HFM1: variants seen among roughly 807,000 people sequenced by gnomAD.
HFM1 encodes the protein probable ATP-dependent DNA helicase HFM1.
A neutral mutation model predicts 192.1 loss-of-function variants in HFM1; 169 were observed. The ratio of observed to expected loss-of-function variants is 0.88; its 90% CI spans 0.78 to 1.00. The LOEUF is 1.00. Among genes scored for constraint, HFM1 ranks in the 50% least tolerant of loss-of-function variants. The pLI is 0.00. For synonymous variants in HFM1, 525 were observed against 537.8 expected, an observed-to-expected ratio of 0.98 and a Z score of 0.33; for missense variants, 1,661 against 1,668.0, an observed-to-expected ratio of 1.00 and a Z score of 0.07.
At chr1:91,340,221 AC>A (rs1655144590) in intron 20 of HFM1, among the ~76,000 whole-genome samples, 1 of 152,084 alleles carries the variant, frequency 6.6e-6, no homozygotes, top group African/African-American at 2.4e-5. Flanking sequence ...TATTGCTCAG[AC>A]TGGTCTCAAA....
At chr1:91,314,297 G>A (rs531328678) in intron 28 of HFM1, among the ~76,000 whole-genome samples, 35 of 152,256 alleles carry the variant, frequency 2.3e-4, no homozygotes, top group African/African-American at 7.9e-4. Context: ...TCTGTTGCCT[G>A]GGCTGGAGTG....
chr1:91,375,369 T>C lies in HFM1; in HGVS notation c.1674A>G (p.Glu558=). ...VKDAKFIMTV[E]QKQRLQKYAY... ...ATAAAATACTATACCTCTGTTTCTG[T>C]TCCACAGTCATAATAAATTTAGCAT... Residue 558 remains glutamate, a synonymous_variant, in exon 13 of 39, where the codon GAA becomes GAG. Coordinates refer to ENST00000370425, the MANE Select transcript of HFM1 (RefSeq NM_001017975.6). 6 of 1,611,074 alleles carry C rather than the reference T, an allele frequency of 3.7e-6. No homozygotes were observed. Among genetic ancestry groups the C allele is most frequent in the Non-Finnish European group, 5.1e-6 (6 of 1,177,750 alleles).
intron 13 of HFM1, among the ~76,000 whole-genome samples, chr1:91,358,461 A>G (rs1658038167): frequency 6.6e-6 from 1 of 152,112 alleles, no homozygotes; most frequent in East Asian, 1.9e-4. Flanking sequence ...AACACAGACC[A>G]ATGGAACAGA....
Position 91,352,513 on chromosome 1 carries a change from C to A in HFM1, c.1970G>T (p.Arg657Leu). The change falls in exon 16 of 39, where the codon CGA becomes CTA. Residue 657 changes from arginine (R) to leucine (L), a missense_variant. By Grantham distance (102) the Arg-to-Leu change is moderately radical. Transcript: ENST00000370425. Reference sequence around the variant, plus strand: ...AAAGTTATTGTCACTTACTTGAGGTCGACCAGCTCTACCAATCATCTGTAG... The same window carrying A: ...AAAGTTATTGTCACTTACTTGAGGTAGACCAGCTCTACCAATCATCTGTAG... ...DILQMIGRAG[R>L]PQFDTTATAV... 1 of 1,577,036 alleles carries A rather than the reference C, an allele frequency of 6.3e-7. No homozygotes were observed. Among genetic ancestry groups the A allele is most frequent in the South Asian group, 1.2e-5 (1 of 81,716 alleles).
Position 91,313,515 on chromosome 1 carries a change from T to G in HFM1, c.3245-20A>C, listed in dbSNP as rs1345190931. The G allele has an allele frequency of 2.6e-6, 4 of 1,527,740 alleles. No homozygotes were observed. In the Admixed American group the frequency reaches 8.1e-5, roughly 31 times the overall value. The allele number at this position is 1,527,740 out of a possible 1,614,324, so 94.6% of individuals were successfully genotyped here. The stretch of plus-strand genomic sequence containing the variant: ...GCCCAACTGGAAAATGAAAAAAAAG[T>G]ACACAAATGTTTATTTGTCATATAA... On this transcript the variant is annotated intron_variant, in intron 29 of 38. Coordinates refer to ENST00000370425, the MANE Select transcript of HFM1 (RefSeq NM_001017975.6).
intron 20 of HFM1, among the ~76,000 whole-genome samples, chr1:91,338,242 G>T (rs1435465383): frequency 6.6e-6 from 1 of 152,214 alleles, no homozygotes. Context: ...GGAGCCCAAA[G>T]GGTTTGGCAC....
intron 36 of HFM1, 26 bp from the exon 37 acceptor site, chr1:91,262,618 A>G: frequency 7.5e-7 from 1 of 1,330,918 alleles, no homozygotes; most frequent in Non-Finnish European, 1.1e-6. Flanking sequence ...AATTATTTGT[A>G]AAATACGGCA....
chr1:91,393,048 A>G (rs1663210048), intron 4 of HFM1, among the ~76,000 whole-genome samples: 1 of 152,206 alleles, frequency 6.6e-6, no homozygotes, highest in Non-Finnish European at 1.5e-5. Flanking sequence ...GGGTAAATAC[A>G]TAAGAATGAA....
chr1:91,324,180 C>A (rs951584222), intron 21 of HFM1, among the ~76,000 whole-genome samples: 3 of 152,088 alleles, frequency 2.0e-5, no homozygotes, highest in African/African-American at 7.2e-5. Context: ...ACAATCAGTT[C>A]TTTTATCTAG....
intron 30 of HFM1, among the ~76,000 whole-genome samples, chr1:91,311,691 C>A (rs529622135): frequency 6.6e-6 from 1 of 152,120 alleles, no homozygotes; most frequent in African/African-American, 2.4e-5. Flanking sequence ...AACCCATTTG[C>A]TGGGGAGAAA....
At chr1:91,303,313 T>A (rs34600283) in intron 30 of HFM1, among the ~76,000 whole-genome samples, 30,079 of 152,162 alleles carry the variant, frequency 0.2, 3,709 homozygotes, top group South Asian at 0.35. Context: ...TAGCATGTTT[T>A]CAAGGCTCAT....
Position 91,324,583 on chromosome 1 carries a change from T to G in HFM1, c.2427+92A>C, listed in dbSNP as rs139725296. On this transcript the variant is annotated intron_variant, in intron 21 of 38. Transcript: ENST00000370425. ...GCTTTCTTTTCTGCTCATTCATTCT[T>G]AAATTATATGAGATACACAAATTAG... is the stretch of plus-strand genomic sequence containing the variant. 1.7e-3 allele frequency: 1,139 copies of G among 660,146 alleles called. 9 individuals carry two copies. In the African/African-American group the frequency reaches 0.019, roughly 11 times the overall value. The allele number at this position is 660,146 out of a possible 1,614,324, so 40.9% of individuals were successfully genotyped here.
chr1:91,378,682 G>A lies in HFM1; in HGVS notation c.1159-202C>T, dbSNP rs150069119. ...AGTCTTAAAGGTATTTTTAAAACTG[G>A]GCCCTCAATTGTTTTTACACTGAAC... is the stretch of plus-strand genomic sequence containing the variant. On this transcript the variant is annotated intron_variant, in intron 9 of 38. Transcript: ENST00000370425. Among the ~76,000 whole-genome samples, 3 of 151,708 alleles carry A rather than the reference G, an allele frequency of 2.0e-5. No homozygotes were observed. In the East Asian group the frequency reaches 5.8e-4, roughly 29 times the overall value.
chr1:91,404,634 G>A (rs1000998491), intron 1 of HFM1, 164 bp downstream of exon 1: 2 of 263,034 alleles, frequency 7.6e-6, no homozygotes, highest in Non-Finnish European at 1.5e-5. Flanking sequence ...GCGGCCTGGA[G>A]ACGCCTGGTG....
Position 91,274,748 on chromosome 1 carries a change from G to A in HFM1, c.3650C>T (p.Ser1217Phe), listed in dbSNP as rs1557761175. 6.5e-7 allele frequency: 1 copy of A among 1,538,472 alleles called. No homozygotes were observed. Residue 1217 changes from serine (S) to phenylalanine (F), a missense_variant, in exon 33 of 39, where the codon TCC (serine) becomes TTC (phenylalanine). Physicochemically the swap from Ser to Phe is radical, Grantham distance 155 (BLOSUM62 -2). Transcript: ENST00000370425. The part of the protein sequence containing the change: ...LKEFGFTPKP[S>F]LPSISRSEYL... ...TTTGTACCTTGATATACTAGGAAGG[G>A]AAGGTTTTGGAGTAAAACCAAACTC...
At chr1:91,288,757 A>T (rs940495883) in intron 30 of HFM1, among the ~76,000 whole-genome samples, 26 of 152,308 alleles carry the variant, frequency 1.7e-4, no homozygotes, top group African/African-American at 6.0e-4. Context: ...AATAAAATGG[A>T]GTCTCCTATG....
chr1:91,314,352 C>A (rs988159732), intron 28 of HFM1, among the ~76,000 whole-genome samples: 1 of 152,200 alleles, frequency 6.6e-6, no homozygotes, highest in Admixed American at 6.5e-5. Context: ...CTCCTAGGCT[C>A]AGGCAGTCTT....
intron 30 of HFM1, among the ~76,000 whole-genome samples, chr1:91,277,787 C>A (rs1667039026): frequency 8.5e-6 from 1 of 117,774 alleles, no homozygotes; most frequent in East Asian, 2.2e-4. Flanking sequence ...AATGTATATA[C>A]TTTATATATA....
Position 91,324,734 on chromosome 1 carries a change from T to C in HFM1, c.2368A>G (p.Thr790Ala), listed in dbSNP as rs778191362. Residue 790 changes from threonine (T) to alanine (A), a missense_variant, in exon 21 of 39, where the codon ACA becomes GCA. Physicochemically the swap from Thr to Ala is moderately conservative, Grantham distance 58. Coordinates refer to ENST00000370425, the MANE Select transcript of HFM1 (RefSeq NM_001017975.6). The part of the protein sequence containing the change: ...AGRLMAWYYI[T>A]FETVKKFYTI... ...TAAAATTTCTTCACTGTCTCAAATG[T>C]AATATAATACCAAGCCATCAATCTT... is the stretch of plus-strand genomic sequence containing the variant. The C allele has an allele frequency of 1.9e-6, 3 of 1,573,700 alleles. No individual in the cohort carries two copies. Among genetic ancestry groups the C allele is most frequent in the Non-Finnish European group, 2.6e-6 (3 of 1,143,694 alleles).
Sources: allele counts gnomAD v4.1 joint callset (sites outside exome capture counted in the v4.1 genomes callset), GRCh38; gene constraint gnomAD v4.1.1; transcripts MANE v1.5; gene names NCBI Gene and HGNC (gene_info 2026-07-23, HGNC 2026-07-21).